The following MGAT4A variants were observed in gnomAD, a reference collection of about 807,000 sequenced individuals.
MGAT4A encodes alpha-1,3-mannosyl-glycoprotein 4-beta-N-acetylglucosaminyltransferase A.
In MGAT4A, 33 loss-of-function variants were observed where a neutral mutation model predicts 74.1. That is an observed-to-expected ratio of 0.45 (90% CI 0.34 to 0.60). The LOEUF is 0.60. Among genes scored for constraint, MGAT4A ranks in the 20% least tolerant of loss-of-function variants. MGAT4A has a pLI of 0.02. For synonymous variants in MGAT4A, 198 were observed against 210.4 expected (o/e 0.94, Z 0.51); for missense variants, 479 against 628.3 (o/e 0.76, Z 2.54).
At chr2:98,709,808 C>T (rs981554206) in intron 2 of MGAT4A, among the ~76,000 whole-genome samples, 6 of 152,226 alleles carry the variant, frequency 3.9e-5, no homozygotes, top group Middle Eastern at 3.2e-3. Flanking sequence ...CCATCTGCCA[C>T]AGCATAAAGC....
intron 3 of MGAT4A, among the ~76,000 whole-genome samples, chr2:98,677,380 T>C (rs2104288204): frequency 6.6e-6 from 1 of 152,372 alleles, no homozygotes; most frequent in Non-Finnish European, 1.5e-5. Flanking sequence ...AATCTCATTT[T>C]GAATAATTTA....
intron 2 of MGAT4A, among the ~76,000 whole-genome samples, chr2:98,683,892 C>A (rs1159472392): frequency 1.3e-5 from 2 of 152,108 alleles, no homozygotes; most frequent in African/African-American, 4.8e-5. Flanking sequence ...AGTTTCTAGC[C>A]CGGATGCTAT....
chr2:98,649,426 G>T (rs1483302842), intron 8 of MGAT4A, among the ~76,000 whole-genome samples: 1 of 152,070 alleles, frequency 6.6e-6, no homozygotes, highest in Non-Finnish European at 1.5e-5. Flanking sequence ...CTCAATTCCC[G>T]ACTTCTCCCT....
chr2:98,636,464 A>T, intron 13 of MGAT4A, 53 bp downstream of exon 13: 1 of 1,311,294 alleles, frequency 7.6e-7, no homozygotes, highest in South Asian at 1.2e-5. Flanking sequence ...GCTTCAAGCT[A>T]AGTCTACTAG....
In MGAT4A at chr2:98,675,310, G is replaced by A. The variant is rs560519109; in HGVS notation, c.263-135C>T. Reference sequence around the variant, plus strand: ...CCTAGTTTCACACTCTGGTGAATGAGATCTCCATTTAAGATGAAAAGGACA... The same window carrying A: ...CCTAGTTTCACACTCTGGTGAATGAAATCTCCATTTAAGATGAAAAGGACA... On this transcript the variant is annotated intron_variant, in intron 3 of 15. Coordinates refer to ENST00000393487, the MANE Select transcript of MGAT4A (RefSeq NM_012214.3). 4.8e-6 allele frequency: 3 copies of A among 621,040 alleles called. No individual in the cohort carries two copies. In the African/African-American group the frequency reaches 5.6e-5, roughly 12 times the overall value. 38.5% of individuals were successfully genotyped at this position (621,040 alleles called of 1,614,324 possible).
In MGAT4A at chr2:98,688,249, C is replaced by CA. The variant is rs369096187; in HGVS notation, c.95-9779dup. Among the ~76,000 whole-genome samples, 15 of 150,308 alleles carry CA rather than the reference C, an allele frequency of 1.0e-4. 1 individual carries two copies. Among genetic ancestry groups the CA allele is most frequent in the South Asian group, 4.2e-4 (2 of 4,756 alleles). On this transcript the variant is annotated intron_variant, in intron 2 of 15. Coordinates refer to ENST00000393487, the MANE Select transcript of MGAT4A (RefSeq NM_012214.3). ...GGGAACATCTGGGCTTTTTTTAAAACAAAAAAAAAGAATATAACTCATTCT... is the reference window on the plus strand; with the variant it reads ...GGGAACATCTGGGCTTTTTTTAAAACAAAAAAAAAAGAATATAACTCATTCT...
chr2:98,666,367 C>T (rs2104275789), intron 4 of MGAT4A, among the ~76,000 whole-genome samples: 1 of 152,154 alleles, frequency 6.6e-6, no homozygotes, highest in East Asian at 1.9e-4. Flanking sequence ...GGATGAGTTA[C>T]AATGGAAGCA....
At chr2:98,666,934 T>C (rs918404231) in intron 4 of MGAT4A, among the ~76,000 whole-genome samples, 2 of 152,166 alleles carry the variant, frequency 1.3e-5, no homozygotes, top group Admixed American at 1.3e-4. Flanking sequence ...TTTGGCTGTG[T>C]CCCCACCCAA....
intron 2 of MGAT4A, among the ~76,000 whole-genome samples, chr2:98,717,840 G>C (rs900990098): frequency 1.3e-5 from 2 of 152,166 alleles, no homozygotes; most frequent in Non-Finnish European, 2.9e-5. Flanking sequence ...ACAGTGCCTG[G>C]CATGCCGAAG....
At chr2:98,716,540 C>T (rs1702593939) in intron 2 of MGAT4A, among the ~76,000 whole-genome samples, 4 of 152,206 alleles carry the variant, frequency 2.6e-5, no homozygotes, top group Admixed American at 2.6e-4. Flanking sequence ...ATTGCTTGAA[C>T]CCAGTGGGCA....
At chr2:98,662,982 C>T in intron 5 of MGAT4A, 64 bp downstream of exon 5, 1 of 1,234,448 alleles carries the variant, frequency 8.1e-7, no homozygotes, top group Admixed American at 2.6e-5. Context: ...TTCAAATATT[C>T]AATTAGAGTT....
intron 2 of MGAT4A, among the ~76,000 whole-genome samples, chr2:98,720,299 C>T (rs1702648972): frequency 6.6e-6 from 1 of 152,104 alleles, no homozygotes; most frequent in Non-Finnish European, 1.5e-5. Context: ...GAACATGACC[C>T]TCACCAATGT....
At chr2:98,689,100 C>T (rs1018723321) in intron 2 of MGAT4A, among the ~76,000 whole-genome samples, 1 of 152,148 alleles carries the variant, frequency 6.6e-6, no homozygotes. Flanking sequence ...TAAATCACCA[C>T]TATTATATCA....
Position 98,686,937 on chromosome 2 carries a change from A to G in MGAT4A, c.95-8466T>C, listed in dbSNP as rs148229415. 6.1e-3 allele frequency among the ~76,000 whole-genome samples: 912 copies of G among 150,192 alleles called. 6 individuals carry two copies. The highest frequency in any genetic ancestry group is 0.01 in the Middle Eastern group (3 of 294). On this transcript the variant is annotated intron_variant, in intron 2 of 15. Transcript: ENST00000393487. ...GAGGAACTATAAAAATTCATAACTC[A>G]TGATAACATTCATTAGAGTACACTT...
At chr2:98,669,363 C>T (rs1174935) in intron 4 of MGAT4A, among the ~76,000 whole-genome samples, 148,543 of 152,284 alleles carry the variant, frequency 0.98, 72,455 homozygotes, top group East Asian at 1. Context: ...CTCTCTTTGC[C>T]TGCTGCCATC....
intron 4 of MGAT4A, among the ~76,000 whole-genome samples, chr2:98,668,096 C>T (rs1015450330): frequency 6.6e-6 from 1 of 152,180 alleles, no homozygotes; most frequent in Non-Finnish European, 1.5e-5. Context: ...AAGAAAATCC[C>T]ATTTTCTGAG....
chr2:98,619,490 T>G lies in MGAT4A; in HGVS notation c.*6076A>C, dbSNP rs1701013048. 6.6e-6 allele frequency: 1 copy of G among 152,208 alleles called. No homozygotes were observed. The highest frequency in any genetic ancestry group is 1.5e-5 in the Non-Finnish European group (1 of 68,030). 9.4% of individuals were successfully genotyped at this position (152,208 alleles called of 1,614,324 possible). A position where few individuals can be genotyped will look rare whatever the true frequency, so the allele number is the denominator to read the frequency against. ...GACAACCTTTCCAAAGTGTTCTGAA[T>G]GGGACACTTCAGTTTTTCCATTCCA... On this transcript the variant is annotated 3_prime_UTR_variant, in exon 16 of 16. Coordinates refer to ENST00000393487, the MANE Select transcript of MGAT4A (RefSeq NM_012214.3).
At chr2:98,729,951 A>C (rs928816901) in intron 1 of MGAT4A, among the ~76,000 whole-genome samples, 3 of 152,236 alleles carry the variant, frequency 2.0e-5, no homozygotes, top group African/African-American at 7.2e-5. Context: ...AGCTTACGTA[A>C]TGTCATCGCC....
In MGAT4A at chr2:98,624,469, C is replaced by T. The variant is rs1220491367; in HGVS notation, c.*1097G>A. 1.0e-6 allele frequency: 1 copy of T among 971,208 alleles called. No individual in the cohort carries two copies. The highest frequency in any genetic ancestry group is 1.2e-6 in the Non-Finnish European group (1 of 817,206). 60.2% of individuals were successfully genotyped at this position (971,208 alleles called of 1,614,324 possible). Reference sequence around the variant, plus strand: ...GGGACTCACTTATCAGTTCATACTACAATAAAATCATTTTGGAAAATATAC... The same window carrying T: ...GGGACTCACTTATCAGTTCATACTATAATAAAATCATTTTGGAAAATATAC... On this transcript the variant is annotated 3_prime_UTR_variant, in exon 16 of 16. Coordinates refer to ENST00000393487, the MANE Select transcript of MGAT4A (RefSeq NM_012214.3).
Sources: gnomAD v4.1 joint callset for allele counts (sites outside exome capture counted in the v4.1 genomes callset) on GRCh38, gnomAD v4.1.1 for gene constraint, MANE v1.5 for transcripts, NCBI Gene and HGNC (gene_info 2026-07-23, HGNC 2026-07-21) for gene names.